The following AFAP1L2 variants were observed in gnomAD, a reference collection of about 807,000 sequenced individuals.
AFAP1L2 encodes the protein actin filament-associated protein 1-like 2.
AFAP1L2 carries 46 observed loss-of-function variants against 99.3 expected under a neutral mutation model. The observed-to-expected ratio is 0.46, with a 90% CI of 0.37 to 0.59. AFAP1L2 has a LOEUF of 0.59. Among genes scored for constraint, AFAP1L2 ranks in the 20% least tolerant of loss-of-function variants. The pLI is 0.00. For synonymous variants in AFAP1L2, 397 were observed against 419.1 expected, an observed-to-expected ratio of 0.95 and a Z score of 0.64; for missense variants, 959 against 1,034.9, an observed-to-expected ratio of 0.93 and a Z score of 1.01.
At chr10:114,403,558 G>A (rs1004668471) in intron 1 of AFAP1L2, among the ~76,000 whole-genome samples, 1 of 152,242 alleles carries the variant, frequency 6.6e-6, no homozygotes, top group Non-Finnish European at 1.5e-5. Context: ...GGGTCTGCAG[G>A]AGGATGGGGG....
rs1198214043 is a variant in AFAP1L2 at position 114,333,257 on chromosome 10, T to C, written c.184A>G (p.Ile62Val). ...GACTCTGCATTCTGTTGCTTGTTGATGGTCACTTTGTTCATATAAATGTAC... is the reference window on the plus strand; with the variant it reads ...GACTCTGCATTCTGTTGCTTGTTGACGGTCACTTTGTTCATATAAATGTAC... ...EEYIYMNKVTINKQQNAESQG... is the reference protein window; with the variant it reads ...EEYIYMNKVTVNKQQNAESQG... The change falls in exon 3 of 19, where the codon ATC (isoleucine) becomes GTC (valine). Residue 62 changes from isoleucine (I) to valine (V), a missense_variant. Physicochemically the swap from Ile to Val is conservative, Grantham distance 29 (BLOSUM62 3). Transcript: ENST00000304129. 6.2e-7 allele frequency: 1 copy of C among 1,614,046 alleles called. No individual in the cohort carries two copies. Among genetic ancestry groups the C allele is most frequent in the Admixed American group, 1.7e-5 (1 of 60,018 alleles).
chr10:114,383,253 G>A (rs2055961407), intron 1 of AFAP1L2, among the ~76,000 whole-genome samples: 1 of 152,122 alleles, frequency 6.6e-6, no homozygotes, highest in South Asian at 2.1e-4. Context: ...CCTTTTTGCT[G>A]TGCTCTGTTG....
intron 2 of AFAP1L2, among the ~76,000 whole-genome samples, chr10:114,337,908 T>C (rs2048222701): frequency 6.6e-6 from 1 of 152,278 alleles, no homozygotes; most frequent in South Asian, 2.1e-4. Flanking sequence ...ACCTTCCCGC[T>C]TTGTAATGTA....
At chr10:114,404,705 T>C, upstream of AFAP1L2, 2 of 397,882 alleles carry the variant, frequency 5.0e-6, no homozygotes, top group Non-Finnish European at 8.4e-6. Context: ...AGTCGGCTCT[T>C]GAGTCGGTGC....
chr10:114,290,351 C>G, downstream of AFAP1L2: 1 of 1,550,530 alleles, frequency 6.4e-7, no homozygotes, highest in Non-Finnish European at 8.7e-7. Context: ...TGGGAGGGCC[C>G]CCACTGCGAG....
the AFAP1L2 span, chr10:114,289,669 C>A: frequency 1.5e-6 from 1 of 657,492 alleles, no homozygotes; most frequent in Non-Finnish European, 2.6e-6. Flanking sequence ...CATAACCATC[C>A]TATTTGACAT....
chr10:114,326,529 T>C (rs1418367075), intron 4 of AFAP1L2, among the ~76,000 whole-genome samples: 1 of 152,234 alleles, frequency 6.6e-6, no homozygotes, highest in Admixed American at 6.5e-5. Flanking sequence ...ATCTGTGCTC[T>C]TGGGCTGCAG....
At chr10:114,286,186 C>T in the AFAP1L2 span, 2 of 1,613,926 alleles carry the variant, frequency 1.2e-6, no homozygotes, top group African/African-American at 1.3e-5. Flanking sequence ...GCATTCCCTT[C>T]CGTGGTGGCC....
At chr10:114,387,223 T>C (rs2056611510) in intron 1 of AFAP1L2, among the ~76,000 whole-genome samples, 1 of 152,234 alleles carries the variant, frequency 6.6e-6, no homozygotes, top group Admixed American at 6.5e-5. Context: ...TGTTCAGTGA[T>C]TTCCAGTTTT....
At chr10:114,385,348 T>C (rs1056497036) in intron 1 of AFAP1L2, among the ~76,000 whole-genome samples, 5 of 152,154 alleles carry the variant, frequency 3.3e-5, no homozygotes, top group Non-Finnish European at 2.9e-5. Flanking sequence ...TTCCCCATCC[T>C]AAAGGAATGC....
intron 1 of AFAP1L2, among the ~76,000 whole-genome samples, chr10:114,356,343 T>C (rs2051379322): frequency 6.6e-6 from 1 of 152,212 alleles, no homozygotes; most frequent in African/African-American, 2.4e-5. Flanking sequence ...AATTAGTTTG[T>C]GCCTGCTTTC....
chr10:114,351,011 G>A (rs1018347495), intron 1 of AFAP1L2, among the ~76,000 whole-genome samples: 3 of 152,164 alleles, frequency 2.0e-5, no homozygotes, highest in African/African-American at 4.8e-5. Flanking sequence ...CCAGTTATGC[G>A]GGTGGGAGGC....
the AFAP1L2 span, among the ~76,000 whole-genome samples, chr10:114,287,088 C>A: frequency 6.6e-6 from 1 of 152,226 alleles, no homozygotes; most frequent in Non-Finnish European, 1.5e-5. Flanking sequence ...AGCCATGAAG[C>A]TGATTTTTTA....
At chr10:114,398,673 C>T (rs966844232) in intron 1 of AFAP1L2, among the ~76,000 whole-genome samples, 1 of 152,242 alleles carries the variant, frequency 6.6e-6, no homozygotes, top group Non-Finnish European at 1.5e-5. Context: ...GGTCGCATAG[C>T]GAGTTAGTGG....
chr10:114,326,361 T>C (rs1190185206), intron 4 of AFAP1L2, among the ~76,000 whole-genome samples: 1 of 152,236 alleles, frequency 6.6e-6, no homozygotes, highest in Non-Finnish European at 1.5e-5. Flanking sequence ...TTCAGGTTCC[T>C]GTAATTTATG....
At position 114,313,854 on chromosome 10, in the gene AFAP1L2, C is replaced by T. The variant is rs771618265; in HGVS notation, c.792+17G>A. On this transcript the variant is annotated intron_variant, in intron 7 of 18. Transcript: ENST00000304129. ...CAACTCTAGGAACCCCTCCAAGTGG[C>T]TCGGTGTCGCCCTCACCCTGAGCCA... 1.3e-6 allele frequency: 2 copies of T among 1,579,652 alleles called. No homozygotes were observed. The highest frequency in any genetic ancestry group is 1.7e-6 in the Non-Finnish European group (2 of 1,160,244).
Position 114,397,167 on chromosome 10 carries a change from A to T in AFAP1L2, c.16+7273T>A, listed in dbSNP as rs1334476. Among the ~76,000 whole-genome samples, 766 of 152,258 alleles carry T rather than the reference A, an allele frequency of 5.0e-3. 8 individuals are homozygous for T. The highest frequency in any genetic ancestry group is 0.018 in the African/African-American group (732 of 41,558). ...AACTACACAGTTCTGAATTGTGACA[A>T]GTATGTATGGCTGTGTAACCACTAC... On this transcript the variant is annotated intron_variant, in intron 1 of 18. Transcript: ENST00000304129.
At chr10:114,318,763 A>AAAAGAAAAAAAAAAAAG (rs2044592429) in intron 5 of AFAP1L2, among the ~76,000 whole-genome samples, 1 of 151,566 alleles carries the variant, frequency 6.6e-6, no homozygotes, top group African/African-American at 2.4e-5. Context: ...AAAAAAGAAC[A>AAAAGAAAAAAAAAAAAG]ACAAATCATA....
chr10:114,381,936 A>G (rs2055683165), intron 1 of AFAP1L2, among the ~76,000 whole-genome samples: 1 of 152,168 alleles, frequency 6.6e-6, no homozygotes, highest in South Asian at 2.1e-4. Flanking sequence ...ATAAAAAAAG[A>G]AGTATAAATT....
Sources: allele counts gnomAD v4.1 joint callset (sites outside exome capture counted in the v4.1 genomes callset), GRCh38; gene constraint gnomAD v4.1.1; transcripts MANE v1.5; gene names NCBI Gene and HGNC (gene_info 2026-07-23, HGNC 2026-07-21).